The following KIZ variants were observed in gnomAD, a reference collection of about 807,000 sequenced individuals.
KIZ encodes centrosomal protein kizuna.
A neutral mutation model predicts 79.6 loss-of-function variants in KIZ; 68 were observed. The observed-to-expected ratio is 0.85, with a 90% confidence interval of 0.70 to 1.05. The LOEUF is 1.05. KIZ is among the 50% of genes least tolerant of loss of function. The pLI is 0.00. For missense variants in KIZ, 797 were observed against 800.4 expected, an observed-to-expected ratio of 1.00 and a Z score of 0.05; for synonymous variants, 280 against 281.8, an observed-to-expected ratio of 0.99 and a Z score of 0.06.
At chr20:21,232,882 C>A in intron 11 of KIZ, 52 bp downstream of exon 11, 1 of 788,614 alleles carries the variant, frequency 1.3e-6, no homozygotes. Context: ...AGAAATGTCA[C>A]AGCGCAATGA....
chr20:21,149,638 G>C (rs1053658738), intron 4 of KIZ, among the ~76,000 whole-genome samples: 2 of 152,222 alleles, frequency 1.3e-5, no homozygotes, highest in African/African-American at 2.4e-5. Flanking sequence ...GCACACGTCA[G>C]AGAAGACAGC....
In KIZ at chr20:21,161,942, T is replaced by C. The variant is rs775127762; in HGVS notation, c.477T>C (p.Phe159=). 6.2e-7 allele frequency: 1 copy of C among 1,613,726 alleles called. No homozygotes were observed. The highest frequency in any genetic ancestry group is 8.5e-7 in the Non-Finnish European group (1 of 1,179,622). The part of the protein sequence containing the change: ...SRGLYQPATI[F]MGRQMSAILS... ...GATTGTATCAACCAGCAACAATCTT[T>C]ATGGGCCGCCAAATGTCAGCCATCT... The change falls in exon 5 of 13, where the codon TTT becomes TTC. Residue 159 remains phenylalanine, a synonymous_variant. Transcript: ENST00000619189.
chr20:21,195,601 A>G (rs1051528261), intron 6 of KIZ: 2 of 152,260 alleles, frequency 1.3e-5, no homozygotes, highest in East Asian at 3.9e-4. Flanking sequence ...ACTAAAGGGA[A>G]TCTAAGCTTG....
chr20:21,223,617 G>A (rs1568992167), intron 9 of KIZ, among the ~76,000 whole-genome samples: 1 of 146,952 alleles, frequency 6.8e-6, no homozygotes, highest in Admixed American at 6.8e-5. Flanking sequence ...TGACTTTTCT[G>A]TATTTTCAGA....
chr20:21,151,674 A>G (rs895844185), intron 4 of KIZ: 9 of 152,200 alleles, frequency 5.9e-5, no homozygotes, highest in Non-Finnish European at 8.8e-5. Flanking sequence ...ATAGTCCATG[A>G]AATACTGTAT....
chr20:21,207,059 A>T (rs1240401682), intron 7 of KIZ, among the ~76,000 whole-genome samples: 1 of 152,178 alleles, frequency 6.6e-6, no homozygotes, highest in African/African-American at 2.4e-5. Flanking sequence ...TTTCATCTTT[A>T]TATATAATAC....
chr20:21,238,054 C>T (rs1437928292), intron 11 of KIZ, among the ~76,000 whole-genome samples: 12 of 152,076 alleles, frequency 7.9e-5, no homozygotes. Context: ...TGGTCTTGAA[C>T]TCCTGAGCTC....
intron 6 of KIZ, chr20:21,194,272 C>T (rs912351108): frequency 2.0e-5 from 3 of 152,162 alleles, no homozygotes; most frequent in Non-Finnish European, 2.9e-5. Context: ...TCACAGAGAA[C>T]AAGGTGATGG....
chr20:21,205,612 C>A, intron 7 of KIZ, 28 bp downstream of exon 7: 1 of 991,752 alleles, frequency 1.0e-6, no homozygotes, highest in Non-Finnish European at 1.5e-6. Context: ...CTGAAGTTTT[C>A]CCAATCACAA....
At position 21,229,182 on chromosome 20, in the gene KIZ, G is replaced by T. The variant is rs1160295642; in HGVS notation, c.1783+67G>T. ...CAGGCAGGGCTGTGTTCGGGGAAGG[G>T]TGGTTATTCTTTATGAAGGTTTCTG... is the stretch of plus-strand genomic sequence containing the variant. On this transcript the variant is annotated intron_variant, in intron 10 of 12. Coordinates refer to ENST00000619189, the MANE Select transcript of KIZ (RefSeq NM_018474.6). The T allele has an allele frequency of 4.5e-6, 4 of 885,948 alleles. No homozygotes were observed. The Admixed American group carries it at 7.0e-5, about 15-fold the overall frequency. 54.9% of individuals were successfully genotyped at this position (885,948 alleles called of 1,614,324 possible). A position where few individuals can be genotyped will look rare whatever the true frequency, so the allele number is the denominator to read the frequency against.
chr20:21,157,057 G>T (rs887592250), intron 4 of KIZ, among the ~76,000 whole-genome samples: 1 of 152,000 alleles, frequency 6.6e-6, no homozygotes, highest in South Asian at 2.1e-4. Context: ...CCAGGAGTTC[G>T]AGTCCACCCT....
chr20:21,138,654 C>T (rs1201187505), intron 3 of KIZ, among the ~76,000 whole-genome samples: 1 of 152,142 alleles, frequency 6.6e-6, no homozygotes, highest in Non-Finnish European at 1.5e-5. Flanking sequence ...AGATGATGAT[C>T]TCTAGATGTC....
intron 11 of KIZ, among the ~76,000 whole-genome samples, chr20:21,241,033 CAGTT>C (rs2037199231): frequency 6.6e-6 from 1 of 152,242 alleles, no homozygotes; most frequent in African/African-American, 2.4e-5. Flanking sequence ...AAACATTACA[CAGTT>C]AGATTCTGAG....
At chr20:21,201,271 T>C (rs953896457) in intron 6 of KIZ, among the ~76,000 whole-genome samples, 6 of 152,196 alleles carry the variant, frequency 3.9e-5, no homozygotes, top group East Asian at 1.9e-4. Flanking sequence ...TATAAAAATA[T>C]GATTCATGTG....
chr20:21,200,477 C>A (rs1423359808), intron 6 of KIZ, among the ~76,000 whole-genome samples: 1 of 151,512 alleles, frequency 6.6e-6, no homozygotes, highest in Non-Finnish European at 1.5e-5. Flanking sequence ...TTAGTGGGAG[C>A]CTTGAGCTTG....
chr20:21,181,530 C>G (rs1380240785), intron 6 of KIZ, among the ~76,000 whole-genome samples: 1 of 151,670 alleles, frequency 6.6e-6, no homozygotes, highest in East Asian at 1.9e-4. Flanking sequence ...GTGATCTTGG[C>G]TCACTGCAAC....
intron 5 of KIZ, 48 bp from the exon 6 acceptor site, chr20:21,162,802 T>C: frequency 1.4e-6 from 2 of 1,471,184 alleles, no homozygotes; most frequent in Non-Finnish European, 1.9e-6. Context: ...TTACCTTGCT[T>C]CCTCCTGAAG....
chr20:21,190,449 T>C (rs2035062560), intron 6 of KIZ, among the ~76,000 whole-genome samples: 1 of 152,230 alleles, frequency 6.6e-6, no homozygotes, highest in South Asian at 2.1e-4. Flanking sequence ...TCTACAGACC[T>C]CTCTGGTTCC....
chr20:21,230,109 A>G (rs2036787692), intron 10 of KIZ, among the ~76,000 whole-genome samples: 2 of 152,208 alleles, frequency 1.3e-5, no homozygotes, highest in African/African-American at 4.8e-5. Context: ...AATTTCATCT[A>G]GCAGAATGAA....
Sources: allele counts gnomAD v4.1 joint callset (sites outside exome capture counted in the v4.1 genomes callset), GRCh38; gene constraint gnomAD v4.1.1; transcripts MANE v1.5; gene names NCBI Gene and HGNC (gene_info 2026-07-23, HGNC 2026-07-21).